CLEC2A: variants seen among roughly 807,000 people sequenced by gnomAD.
CLEC2A encodes C-type lectin domain family 2 member A.
Under a neutral mutation model 18.6 loss-of-function variants are expected in CLEC2A, and 19 were observed. The ratio of observed to expected loss-of-function variants is 1.02; its 90% CI spans 0.71 to 1.50. The LOEUF (loss-of-function observed/expected upper bound fraction) is 1.50, where lower values mean the gene tolerates loss of function less well. CLEC2A is among the 40% of genes most tolerant of loss of function. The pLI is 0.00. For synonymous variants in CLEC2A, 74 were observed against 64.0 expected, an observed-to-expected ratio of 1.16 and a Z score of -0.75; for missense variants, 190 against 207.9, an observed-to-expected ratio of 0.91 and a Z score of 0.53.
chr12:9,892,916 A>AAAT, the CLEC2A span: 1 of 1,064,354 alleles, frequency 9.4e-7, no homozygotes, highest in Non-Finnish European at 1.3e-6. Context: ...AAAAAAAAAA[A>AAAT]TGAGTTGGAA....
intron 1 of CLEC2A, among the ~76,000 whole-genome samples, chr12:9,928,401 G>A (rs143405556): frequency 6.6e-6 from 1 of 152,200 alleles, no homozygotes; most frequent in African/African-American, 2.4e-5. Context: ...AGGAGGCGGA[G>A]GCTGCAGTGA....
chr12:9,929,650 G>A (rs112795408), intron 1 of CLEC2A, among the ~76,000 whole-genome samples: 34 of 151,986 alleles, frequency 2.2e-4, no homozygotes, highest in African/African-American at 7.7e-4. Flanking sequence ...GTTGTATATA[G>A]TAAATAAATA....
chr12:9,886,308 A>G, the CLEC2A span, among the ~76,000 whole-genome samples: 1 of 152,212 alleles, frequency 6.6e-6, no homozygotes, highest in South Asian at 2.1e-4. Flanking sequence ...ATAAATATTT[A>G]TATCTCCTCT....
the CLEC2A span, among the ~76,000 whole-genome samples, chr12:9,887,871 G>T: frequency 2.0e-5 from 3 of 151,446 alleles, no homozygotes; most frequent in Non-Finnish European, 4.4e-5. Context: ...GGGCAACATG[G>T]TGAAACCCCG....
Position 9,905,233 on chromosome 12 carries a change from G to GTCCATCTC in CLEC2A, c.411-6265_411-6258dup, listed in dbSNP as rs1305924360. On this transcript the variant is annotated intron_variant, in intron 4 of 4. Coordinates refer to the CLEC2A transcript ENST00000339766. ...GTCTCCTTTCACTCACATGTGGTGT[G>GTCCATCTC]TCCATCTCCTTTCAGCTGTGCGGTG... 3.3e-5 allele frequency among the ~76,000 whole-genome samples: 5 copies of GTCCATCTC among 152,308 alleles called. No homozygotes were observed. The East Asian group carries it at 5.8e-4, about 18-fold the overall frequency.
chr12:9,916,715 G>T lies in CLEC2A; in HGVS notation c.395C>A (p.Thr132Asn), dbSNP rs1269774294. 29 of 1,546,520 alleles carry T rather than the reference G, an allele frequency of 1.9e-5. No individual in the cohort carries two copies. The highest frequency in any genetic ancestry group is 2.5e-5 in the Non-Finnish European group (29 of 1,142,290). The stretch of plus-strand genomic sequence containing the variant: ...GGAAACTCACCAACCATTGAATGTG[G>T]TGCCATTTGTCCATTTCCAAGAATC... ...QGDSWKWTNG[T>N]TFNGWFEIIG... Residue 132 changes from threonine (T) to asparagine (N), a missense_variant, in exon 4 of 5, where the codon ACC (threonine) becomes AAC (asparagine). Physicochemically the swap from Thr to Asn is moderately conservative, Grantham distance 65. Coordinates refer to ENST00000455827, the MANE Select transcript of CLEC2A (RefSeq NM_001130711.2).
chr12:9,911,638 G>A (rs1591788819), downstream of CLEC2A, among the ~76,000 whole-genome samples: 1 of 152,114 alleles, frequency 6.6e-6, no homozygotes, highest in Non-Finnish European at 1.5e-5. Flanking sequence ...AAAGTCATGT[G>A]AACTGAAAGT....
chr12:9,880,904 A>C, the CLEC2A span, among the ~76,000 whole-genome samples: 133 of 152,336 alleles, frequency 8.7e-4, no homozygotes, highest in Non-Finnish European at 1.6e-3. Flanking sequence ...ATGTCTGATC[A>C]ACTATCTGGA....
At chr12:9,891,199 C>T in the CLEC2A span, among the ~76,000 whole-genome samples, 1 of 152,106 alleles carries the variant, frequency 6.6e-6, no homozygotes, top group Non-Finnish European at 1.5e-5. Context: ...TGCTTAGAAA[C>T]CTGCCTGGCC....
At chr12:9,901,857 T>C (rs919343982) in intron 4 of CLEC2A, among the ~76,000 whole-genome samples, 16 of 149,484 alleles carry the variant, frequency 1.1e-4, no homozygotes, top group Admixed American at 8.0e-4. Flanking sequence ...ATTAGCACCA[T>C]AGGAAAACCT....
chr12:9,908,604 A>G (rs372058448), downstream of CLEC2A, among the ~76,000 whole-genome samples: 18 of 152,300 alleles, frequency 1.2e-4, no homozygotes, highest in East Asian at 2.7e-3. Context: ...ACTTGAGATA[A>G]AAGAGACAGA....
the CLEC2A span, among the ~76,000 whole-genome samples, chr12:9,880,787 A>C: frequency 6.6e-6 from 1 of 152,158 alleles, no homozygotes; most frequent in Non-Finnish European, 1.5e-5. Context: ...CAACTGACTC[A>C]ATAAGGCCCA....
intron 2 of CLEC2A, among the ~76,000 whole-genome samples, chr12:9,923,773 T>C (rs1228259371): frequency 1.3e-5 from 2 of 152,136 alleles, no homozygotes; most frequent in Non-Finnish European, 2.9e-5. Context: ...TTCATGTCCT[T>C]TGTAGGGACA....
intron 4 of CLEC2A, among the ~76,000 whole-genome samples, chr12:9,906,299 G>A (rs1482510369): frequency 2.0e-5 from 3 of 152,052 alleles, no homozygotes; most frequent in Non-Finnish European, 2.9e-5. Flanking sequence ...AATAGGGGGA[G>A]GAAGACAAGG....
downstream of CLEC2A, among the ~76,000 whole-genome samples, chr12:9,894,150 C>G (rs1273502025): frequency 6.8e-6 from 1 of 147,640 alleles, no homozygotes; most frequent in Non-Finnish European, 1.5e-5. Context: ...CTCTCTCTCT[C>G]TCTCCCTCCC....
chr12:9,925,318 A>G (rs1006465556), intron 2 of CLEC2A, among the ~76,000 whole-genome samples: 9 of 152,244 alleles, frequency 5.9e-5, no homozygotes, highest in Non-Finnish European at 1.3e-4. Context: ...AGAACAAACT[A>G]TTAGTGACAT....
chr12:9,898,888 G>A, exon 5 of CLEC2A: 1 of 713,012 alleles, frequency 1.4e-6, no homozygotes, highest in East Asian at 2.7e-5. Flanking sequence ...ACGGCAGTCA[G>A]AGCTCCCTCA....
chr12:9,901,231 A>T (rs1449819311), intron 4 of CLEC2A, among the ~76,000 whole-genome samples: 1 of 152,192 alleles, frequency 6.6e-6, no homozygotes, highest in Non-Finnish European at 1.5e-5. Flanking sequence ...CTTTATTCCA[A>T]TGTCACAATC....
downstream of CLEC2A, among the ~76,000 whole-genome samples, chr12:9,898,454 G>T (rs191912751): frequency 2.2e-4 from 34 of 152,110 alleles, no homozygotes; most frequent in African/African-American, 7.7e-4. Flanking sequence ...ATTTTAGTTT[G>T]TCAAGGAGAC....
Sources: allele counts gnomAD v4.1 joint callset (sites outside exome capture counted in the v4.1 genomes callset), GRCh38; gene constraint gnomAD v4.1.1; transcripts MANE v1.5; gene names NCBI Gene and HGNC (gene_info 2026-07-23, HGNC 2026-07-21).